The following PHF14 variants were observed in gnomAD, a reference collection of about 807,000 sequenced individuals.
The protein encoded by PHF14 is PHD finger protein 14.
Under a neutral mutation model 117.9 loss-of-function variants are expected in PHF14, and 55 were observed. That is an observed-to-expected ratio of 0.47 (90% confidence interval 0.38 to 0.58). PHF14 has a LOEUF of 0.58. Among genes scored for constraint, PHF14 ranks in the 20% least tolerant of loss-of-function variants. PHF14 has a pLI of 0.00. For synonymous variants in PHF14, 409 were observed against 368.6 expected, an observed-to-expected ratio of 1.11 and a Z score of -1.26; for missense variants, 978 against 1,122.2, an observed-to-expected ratio of 0.87 and a Z score of 1.84.
intron 2 of PHF14, among the ~76,000 whole-genome samples, chr7:10,981,487 G>A (rs188954587): frequency 6.0e-4 from 92 of 152,330 alleles, no homozygotes; most frequent in Non-Finnish European, 1.2e-3. Context: ...GTTGGGTTGA[G>A]AGGGACTGGG....
intron 7 of PHF14, among the ~76,000 whole-genome samples, chr7:11,030,544 C>T (rs1040655226): frequency 3.3e-5 from 5 of 151,972 alleles, no homozygotes; most frequent in East Asian, 3.9e-4. Context: ...AGTGCATCTC[C>T]GTCTAAAGGC....
At chr7:11,087,211 A>G (rs996011537) in intron 16 of PHF14, among the ~76,000 whole-genome samples, 10 of 150,374 alleles carry the variant, frequency 6.7e-5, no homozygotes, top group African/African-American at 2.4e-4. Context: ...TTTTTTGTTA[A>G]GATGGAGTCT....
At chr7:11,005,490 TCA>T (rs1783049607) in intron 4 of PHF14, among the ~76,000 whole-genome samples, 1 of 152,210 alleles carries the variant, frequency 6.6e-6, no homozygotes, top group African/African-American at 2.4e-5. Flanking sequence ...TCTCTTTCTC[TCA>T]CTGTTTCTCT....
chr7:11,030,462 G>A (rs1485228311), intron 7 of PHF14, among the ~76,000 whole-genome samples: 1 of 152,088 alleles, frequency 6.6e-6, no homozygotes, highest in African/African-American at 2.4e-5. Flanking sequence ...CAAGATGGCA[G>A]CTAATTAACA....
intron 13 of PHF14, among the ~76,000 whole-genome samples, chr7:11,043,661 CAT>C (rs924171177): frequency 2.3e-4 from 35 of 152,186 alleles, no homozygotes; most frequent in Admixed American, 1.5e-3. Context: ...ACTATTTTCA[CAT>C]GATTGCTTTT....
intron 17 of PHF14, among the ~76,000 whole-genome samples, chr7:11,147,806 T>C (rs750705615): frequency 9.2e-5 from 14 of 152,214 alleles, no homozygotes; most frequent in Admixed American, 2.0e-4. Context: ...GACTTTTAAA[T>C]GTGTAATACC....
intron 16 of PHF14, among the ~76,000 whole-genome samples, chr7:11,083,359 C>T (rs1786228033): frequency 6.6e-6 from 1 of 151,882 alleles, no homozygotes; most frequent in Non-Finnish European, 1.5e-5. Context: ...GCTTTACCTT[C>T]TAGGTGTGTG....
intron 5 of PHF14, among the ~76,000 whole-genome samples, chr7:11,017,224 T>C (rs967326522): frequency 6.6e-6 from 1 of 152,204 alleles, no homozygotes; most frequent in Admixed American, 6.5e-5. Context: ...AGTGCAGATA[T>C]CTCTTTAATG....
At chr7:11,122,352 T>TATACACACACACAC in intron 17 of PHF14, among the ~76,000 whole-genome samples, 2 of 65,870 alleles carry the variant, frequency 3.0e-5, no homozygotes, top group East Asian at 1.2e-3. Flanking sequence ...TATATATATA[T>TATACACACACACAC]ACACACACAC....
intron 16 of PHF14, among the ~76,000 whole-genome samples, chr7:11,073,291 G>A (rs961797143): frequency 6.6e-6 from 1 of 152,162 alleles, no homozygotes; most frequent in Non-Finnish European, 1.5e-5. Context: ...TACAATGGTG[G>A]TACAGACATT....
chr7:11,105,708 AGTG>A, intron 16 of PHF14: 3 of 984,748 alleles, frequency 3.0e-6, no homozygotes, highest in Non-Finnish European at 3.6e-6. Context: ...TCTCTATAAA[AGTG>A]GAAGCCTCTT....
chr7:11,066,237 A>G (rs80048234), intron 16 of PHF14, among the ~76,000 whole-genome samples: 1,945 of 152,228 alleles, frequency 0.013, 42 homozygotes, highest in East Asian at 0.1. Flanking sequence ...TTACATTTTA[A>G]TTTCAAATAT....
At chr7:11,103,730 CAATTGT>C (rs1198384085) in intron 16 of PHF14, 1 of 984,200 alleles carries the variant, frequency 1.0e-6, no homozygotes, top group Non-Finnish European at 1.2e-6. Flanking sequence ...TAATCAAAAG[CAATTGT>C]AATTGTAAAG....
At chr7:11,078,882 G>A (rs1391126654) in intron 16 of PHF14, among the ~76,000 whole-genome samples, 2 of 151,954 alleles carry the variant, frequency 1.3e-5, no homozygotes, top group African/African-American at 4.8e-5. Context: ...AAAGTAAATT[G>A]AGCTTTTAAA....
At chr7:11,022,090 ATATT>A (rs1438982532) in intron 5 of PHF14, among the ~76,000 whole-genome samples, 1 of 152,150 alleles carries the variant, frequency 6.6e-6, no homozygotes, top group Non-Finnish European at 1.5e-5. Flanking sequence ...AGTGCCTAAT[ATATT>A]AAAAAAGGTT....
intron 16 of PHF14, among the ~76,000 whole-genome samples, chr7:11,069,933 C>T (rs1033096128): frequency 6.6e-6 from 1 of 151,180 alleles, no homozygotes; most frequent in Admixed American, 6.6e-5. Flanking sequence ...AAAAGTGTTC[C>T]CTTATTCTTT....
rs376569735 is a variant in PHF14, at chr7:11,081,764, G to T, written c.2654+19679G>T. Among the ~76,000 whole-genome samples, 31 of 151,874 alleles carry T rather than the reference G, an allele frequency of 2.0e-4. No individual in the cohort carries two copies. The South Asian group carries it at 4.2e-3, about 20-fold the overall frequency. On this transcript the variant is annotated intron_variant, in intron 16 of 17. Coordinates refer to ENST00000634607, the MANE Select transcript of PHF14 (RefSeq NM_001007157.2). ...CCAGCTACTTGGGAGGCTGAGGCAG[G>T]AGAATCACTTGAGCCCCGGAGGCAG... is the stretch of plus-strand genomic sequence containing the variant.
At chr7:11,034,185 C>T (rs1307980296) in intron 7 of PHF14, among the ~76,000 whole-genome samples, 2 of 151,472 alleles carry the variant, frequency 1.3e-5, no homozygotes, top group Non-Finnish European at 2.9e-5. Context: ...TTATATGTCT[C>T]TCCTCGGTAG....
At chr7:10,977,445 T>C (rs559474069) in intron 2 of PHF14, among the ~76,000 whole-genome samples, 1 of 152,282 alleles carries the variant, frequency 6.6e-6, no homozygotes, top group East Asian at 1.9e-4. Flanking sequence ...AAACTTTTTA[T>C]ATTTCTGTTT....
Sources: allele counts gnomAD v4.1 joint callset (sites outside exome capture counted in the v4.1 genomes callset), GRCh38; gene constraint gnomAD v4.1.1; transcripts MANE v1.5; gene names NCBI Gene and HGNC (gene_info 2026-07-23, HGNC 2026-07-21).